Variants in CPQ observed in about 807,000 individuals in gnomAD.
CPQ encodes carboxypeptidase Q, also known as Ser-Met dipeptidase.
A neutral mutation model predicts 45.7 loss-of-function variants in CPQ; 37 were observed. The observed-to-expected ratio is 0.81, with a 90% CI of 0.62 to 1.07. The LOEUF is 1.07. Among genes scored for constraint, CPQ ranks in the 50% least tolerant of loss-of-function variants. The pLI, the probability that CPQ is intolerant of heterozygous loss-of-function variation, is 0.00. For missense variants in CPQ, 537 were observed against 572.9 expected, an observed-to-expected ratio of 0.94 and a Z score of 0.64; for synonymous variants, 186 against 205.8, an observed-to-expected ratio of 0.90 and a Z score of 0.82.
Position 97,043,852 on chromosome 8 carries a change from C to T in CPQ, c.1053+14358C>T, listed in dbSNP as rs546166650. ...CTTGTAGAGTTTCTGCCGAGAGATC[C>T]GCTGTTAGTCTTATGGGCTTCCCTT... is the stretch of plus-strand genomic sequence containing the variant. On this transcript the variant is annotated intron_variant, in intron 6 of 7. Transcript: ENST00000220763. Among the ~76,000 whole-genome samples the T allele has an allele frequency of 1.2e-4, 18 of 152,270 alleles. No homozygotes were observed. The East Asian group carries it at 2.3e-3, about 20-fold the overall frequency.
At position 96,882,828 on chromosome 8, in the gene CPQ, A is replaced by C. The variant is rs1428032241; in HGVS notation, c.849+2823A>C. 2.0e-5 allele frequency among the ~76,000 whole-genome samples: 3 copies of C among 152,160 alleles called. No homozygotes were observed. In the East Asian group the frequency reaches 5.8e-4, roughly 29 times the overall value. ...AAATAAATCAACCAATCTAATGTAC[A>C]ATTTGATGAGTTTGGAAAATGTATA... On this transcript the variant is annotated intron_variant, in intron 4 of 7. Transcript: ENST00000220763.
chr8:96,706,075 G>A (rs1809527385), intron 1 of CPQ, among the ~76,000 whole-genome samples: 3 of 152,010 alleles, frequency 2.0e-5, no homozygotes, highest in Admixed American at 2.0e-4. Context: ...TTTTTCCTAG[G>A]CTGAGGCAAA....
At chr8:96,809,581 G>A (rs900866253) in intron 2 of CPQ, among the ~76,000 whole-genome samples, 1 of 151,572 alleles carries the variant, frequency 6.6e-6, no homozygotes, top group African/African-American at 2.4e-5. Context: ...TTCAGGGGCC[G>A]GGGTCAGGGG....
chr8:96,987,118 G>A (rs1808999596), intron 5 of CPQ, among the ~76,000 whole-genome samples: 1 of 151,984 alleles, frequency 6.6e-6, no homozygotes, highest in Non-Finnish European at 1.5e-5. Flanking sequence ...ATTTTATGTT[G>A]CATCTACTTG....
At chr8:96,660,974 T>G (rs1436036316) in intron 1 of CPQ, among the ~76,000 whole-genome samples, 1 of 152,220 alleles carries the variant, frequency 6.6e-6, no homozygotes, top group Non-Finnish European at 1.5e-5. Flanking sequence ...ATTTGCCTTC[T>G]TCTTTCACTA....
chr8:96,944,554 G>A (rs553353751), intron 4 of CPQ, among the ~76,000 whole-genome samples: 1 of 152,270 alleles, frequency 6.6e-6, no homozygotes, highest in Non-Finnish European at 1.5e-5. Flanking sequence ...TTCTGGAGGT[G>A]TGGAGTTTTT....
intron 4 of CPQ, among the ~76,000 whole-genome samples, chr8:96,908,403 G>A (rs1812608752): frequency 6.6e-6 from 1 of 152,134 alleles, no homozygotes; most frequent in Non-Finnish European, 1.5e-5. Context: ...GTTGGCATGT[G>A]ACAGAGACTG....
intron 4 of CPQ, among the ~76,000 whole-genome samples, chr8:96,908,190 AAGAG>A (rs1236187666): frequency 1.3e-5 from 2 of 150,160 alleles, no homozygotes; most frequent in Non-Finnish European, 3.0e-5. Flanking sequence ...AGAGAGGGAG[AAGAG>A]AGAGAGAAGA....
At chr8:96,977,974 T>C (rs773971367) in intron 5 of CPQ, among the ~76,000 whole-genome samples, 1 of 152,124 alleles carries the variant, frequency 6.6e-6, no homozygotes, top group Non-Finnish European at 1.5e-5. Context: ...CCTATTGAAA[T>C]AAAAAAAAAT....
chr8:96,716,004 C>G (rs1225780444), intron 1 of CPQ, among the ~76,000 whole-genome samples: 2 of 152,180 alleles, frequency 1.3e-5, no homozygotes, highest in Admixed American at 1.3e-4. Flanking sequence ...TCTGTGAGAT[C>G]CTTTGGGTAT....
chr8:96,953,301 C>A (rs1228542638), intron 4 of CPQ, among the ~76,000 whole-genome samples: 1 of 152,124 alleles, frequency 6.6e-6, no homozygotes, highest in Non-Finnish European at 1.5e-5. Context: ...GTGTTCCTTG[C>A]ACCTCTGCTT....
chr8:96,808,045 A>G (rs891996382), intron 2 of CPQ, among the ~76,000 whole-genome samples: 2 of 152,152 alleles, frequency 1.3e-5, no homozygotes, highest in African/African-American at 4.8e-5. Flanking sequence ...TTATTTTCAC[A>G]AGTCCCTCTA....
intron 1 of CPQ, among the ~76,000 whole-genome samples, chr8:96,694,170 C>T (rs569455592): frequency 6.6e-6 from 1 of 151,502 alleles, no homozygotes; most frequent in East Asian, 1.9e-4. Flanking sequence ...ATGACCTTCA[C>T]AAAAAGGAAG....
intron 4 of CPQ, among the ~76,000 whole-genome samples, chr8:96,887,191 C>T (rs1812316553): frequency 6.6e-6 from 1 of 152,168 alleles, no homozygotes; most frequent in Non-Finnish European, 1.5e-5. Flanking sequence ...AATAGATGCA[C>T]TACTAATCAT....
chr8:97,087,759 T>C lies in CPQ; in HGVS notation c.1255+21549T>C, dbSNP rs1369915151. 8.5e-5 allele frequency among the ~76,000 whole-genome samples: 13 copies of C among 152,298 alleles called. No homozygotes were observed. The East Asian group carries it at 2.3e-3, about 27-fold the overall frequency. On this transcript the variant is annotated intron_variant, in intron 7 of 7. Coordinates refer to ENST00000220763, the MANE Select transcript of CPQ (RefSeq NM_016134.4). ...CAGTATGAATGTTGAAAGATTAATT[T>C]GAAAAGATCTCACTAAAAAACACAA...
intron 3 of CPQ, among the ~76,000 whole-genome samples, chr8:96,835,419 C>CCACATCACAT (rs1811517476): frequency 6.6e-6 from 1 of 152,214 alleles, no homozygotes; most frequent in African/African-American, 2.4e-5. Flanking sequence ...CTTTTCACAT[C>CCACATCACAT]CACAGTGATC....
chr8:97,012,838 C>G (rs1809513622), intron 5 of CPQ, among the ~76,000 whole-genome samples: 1 of 152,182 alleles, frequency 6.6e-6, no homozygotes, highest in Non-Finnish European at 1.5e-5. Context: ...ACTGAAATTT[C>G]ATGTAAACAC....
intron 4 of CPQ, among the ~76,000 whole-genome samples, chr8:96,926,880 A>C (rs548031917): frequency 1.5e-4 from 23 of 151,774 alleles, no homozygotes; most frequent in Admixed American, 6.6e-4. Flanking sequence ...CCCTGTGTCC[A>C]TGTGTTCTCA....
intron 6 of CPQ, among the ~76,000 whole-genome samples, chr8:97,041,719 C>T (rs1332422166): frequency 1.3e-5 from 2 of 152,048 alleles, no homozygotes; most frequent in African/African-American, 4.8e-5. Context: ...TGTCAAAGGC[C>T]TTTTCTGCGT....
Sources: allele counts gnomAD v4.1 joint callset (sites outside exome capture counted in the v4.1 genomes callset), GRCh38; gene constraint gnomAD v4.1.1; transcripts MANE v1.5; gene names NCBI Gene and HGNC (gene_info 2026-07-23, HGNC 2026-07-21).